OR8J1: variants seen among roughly 807,000 people sequenced by gnomAD.
OR8J1 encodes olfactory receptor family 8 subfamily J member 1.
For synonymous variants in OR8J1, 157 were observed against 144.3 expected (o/e 1.09, Z -0.63); for missense variants, 400 against 373.0 (o/e 1.07, Z -0.60).
rs1854989096 is a variant in OR8J1 at position 56,357,706 on chromosome 11, A to G, written c.-20-2521A>G. ...GAAGGCCAAGTGGAGGCGACTAGTGATGAATACAATGTGGAAAGCATTGAT... is the reference window on the plus strand; with the variant it reads ...GAAGGCCAAGTGGAGGCGACTAGTGGTGAATACAATGTGGAAAGCATTGAT... On this transcript the variant is annotated intron_variant, in intron 1 of 1. Coordinates refer to ENST00000533152, the MANE Select transcript of OR8J1 (RefSeq NM_001005205.3). The G allele has an allele frequency of 8.8e-6, 14 of 1,584,858 alleles. No individual in the cohort carries two copies. The South Asian group carries it at 1.3e-4, about 15-fold the overall frequency.
At chr11:56,356,281 T>G (rs1854967076) in intron 1 of OR8J1, among the ~76,000 whole-genome samples, 8 of 152,190 alleles carry the variant, frequency 5.3e-5, no homozygotes, top group Admixed American at 5.2e-4. Flanking sequence ...TAGCAAATAG[T>G]GCAATCTTGA....
chr11:56,357,849 A>C, intron 1 of OR8J1: 1 of 937,326 alleles, frequency 1.1e-6, no homozygotes, highest in East Asian at 2.4e-5. Flanking sequence ...TATCCCTCAC[A>C]GTACCAAACA....
At chr11:56,357,533 G>C in intron 1 of OR8J1, 1 of 855,242 alleles carries the variant, frequency 1.2e-6, no homozygotes, top group Non-Finnish European at 2.0e-6. Flanking sequence ...GCTGTATAGA[G>C]GGGAATGTGA....
intron 1 of OR8J1, among the ~76,000 whole-genome samples, chr11:56,356,732 TATC>T (rs1854973770): frequency 6.6e-6 from 1 of 152,250 alleles, no homozygotes; most frequent in African/African-American, 2.4e-5. Flanking sequence ...AAAAATACTT[TATC>T]ATTATCTAGA....
chr11:56,360,949 A>G lies in OR8J1; in HGVS notation c.703A>G (p.Lys235Glu). The G allele has an allele frequency of 6.8e-7, 1 of 1,478,080 alleles. No homozygotes were observed. The highest frequency in any genetic ancestry group is 1.5e-5 in the South Asian group (1 of 65,880). 91.6% of individuals were successfully genotyped at this position (1,478,080 alleles called of 1,614,324 possible). A position where few individuals can be genotyped will look rare whatever the true frequency, so the allele number is the denominator to read the frequency against. ...AAAAATATGTTCATCAGAAGGAAGG[A>G]AAAAAGCCTTTTCTACCTGTGCTTC... Reference protein sequence around the residue: ...ILKICSSEGRKKAFSTCASHM... With the variant: ...ILKICSSEGREKAFSTCASHM... The change falls in exon 2 of 2, where the codon AAA (lysine) becomes GAA (glutamate). Residue 235 changes from lysine to glutamate, a missense_variant. Physicochemically the swap from Lys to Glu is moderately conservative, Grantham distance 56. Coordinates refer to ENST00000533152, the MANE Select transcript of OR8J1 (RefSeq NM_001005205.3).
chr11:56,359,489 TA>T (rs1852604910), intron 1 of OR8J1, among the ~76,000 whole-genome samples: 1 of 151,900 alleles, frequency 6.6e-6, no homozygotes, highest in Non-Finnish European at 1.5e-5. Flanking sequence ...TGAGGAGCTG[TA>T]AAAACTTGTG....
intron 1 of OR8J1, among the ~76,000 whole-genome samples, chr11:56,359,618 TA>T (rs1358345761): frequency 4.0e-5 from 6 of 151,616 alleles, no homozygotes; most frequent in Non-Finnish European, 8.8e-5. Flanking sequence ...CATTGAAAGC[TA>T]AAAAAAATTG....
chr11:56,357,892 T>A, intron 1 of OR8J1: 1 of 868,022 alleles, frequency 1.2e-6, no homozygotes, highest in Admixed American at 1.7e-5. Context: ...AGCAAGGGAT[T>A]TAATGCAGAA....
chr11:56,360,986 C>T lies in OR8J1; in HGVS notation c.740C>T (p.Ala247Val), dbSNP rs1165916849. The change falls in exon 2 of 2, where the codon GCA (alanine) becomes GTA (valine). Residue 247 changes from alanine to valine, a missense_variant. Ala to Val is a moderately conservative substitution (Grantham distance 64). Coordinates refer to ENST00000533152, the MANE Select transcript of OR8J1 (RefSeq NM_001005205.3). ...TCTACCTGTGCTTCACATATGATGGCAGTCACAATTTTTTATGGGACATTG... is the reference window on the plus strand; with the variant it reads ...TCTACCTGTGCTTCACATATGATGGTAGTCACAATTTTTTATGGGACATTG... ...AFSTCASHMM[A>V]VTIFYGTLLF... is the part of the protein sequence containing the mutation. 6.8e-7 allele frequency: 1 copy of T among 1,473,460 alleles called. No individual in the cohort carries two copies. The highest frequency in any genetic ancestry group is 9.0e-7 in the Non-Finnish European group (1 of 1,116,294). 91.3% of individuals were successfully genotyped at this position (1,473,460 alleles called of 1,614,324 possible).
Position 56,359,673 on chromosome 11 carries a change from G to C in OR8J1, c.-20-554G>C, listed in dbSNP as rs114523381. Among the ~76,000 whole-genome samples the C allele has an allele frequency of 7.4e-3, 1,121 of 152,148 alleles. 10 individuals are homozygous for C. Among genetic ancestry groups the C allele is most frequent in the African/African-American group, 0.026 (1,073 of 41,536 alleles). On this transcript the variant is annotated intron_variant, in intron 1 of 1. Coordinates refer to ENST00000533152, the MANE Select transcript of OR8J1 (RefSeq NM_001005205.3). The stretch of plus-strand genomic sequence containing the variant: ...TGAGGGCATATCTCCATGTATTTTA[G>C]TCAGAGTTAATTTAAAAAAGAGAGA...
At position 56,360,673 on chromosome 11, in the gene OR8J1, C is replaced by T. The variant is rs201545530; in HGVS notation, c.427C>T (p.Leu143=). ...MVVVSRRLCL[L]LVSLTYLYGF... is the part of the protein sequence containing the mutation. ...GGTGGTGTCTCGGCGGCTCTGCCTCCTGCTGGTCTCCCTCACATACCTCTA... is the reference window on the plus strand; with the variant it reads ...GGTGGTGTCTCGGCGGCTCTGCCTCTTGCTGGTCTCCCTCACATACCTCTA... The change falls in exon 2 of 2, where the codon CTG becomes TTG. Residue 143 remains leucine (L), a synonymous_variant. Coordinates refer to ENST00000533152, the MANE Select transcript of OR8J1 (RefSeq NM_001005205.3). 8.7e-6 allele frequency: 14 copies of T among 1,612,248 alleles called. No individual in the cohort carries two copies. The Admixed American group carries it at 2.3e-4, about 27-fold the overall frequency.
rs1852636560 is a variant in OR8J1, at chr11:56,361,368, C to T, written c.*171C>T. 1 of 396,912 alleles carries T rather than the reference C, an allele frequency of 2.5e-6. No homozygotes were observed. The highest frequency in any genetic ancestry group is 4.4e-6 in the Non-Finnish European group (1 of 226,102). The allele number at this position is 396,912 out of a possible 1,614,324, so 24.6% of individuals were successfully genotyped here. A position where few individuals can be genotyped will look rare whatever the true frequency, so the allele number is the denominator to read the frequency against. On this transcript the variant is annotated 3_prime_UTR_variant, in exon 2 of 2. Coordinates refer to ENST00000533152, the MANE Select transcript of OR8J1 (RefSeq NM_001005205.3). ...TTTGAATTAAAAAATAAACTGAAAC[C>T]CTTTGAGTTGTGAGGTTAAGTTAGA...
At chr11:56,357,474 A>T in intron 1 of OR8J1, 1 of 863,734 alleles carries the variant, frequency 1.2e-6, no homozygotes, top group Non-Finnish European at 1.9e-6. Context: ...CAAATACTGG[A>T]TGATAGTTCA....
intron 1 of OR8J1, among the ~76,000 whole-genome samples, chr11:56,356,511 T>G (rs575210479): frequency 3.1e-4 from 47 of 152,112 alleles, no homozygotes; most frequent in Non-Finnish European, 4.7e-4. Context: ...ACAGACAGAA[T>G]ATTAAAATTG....
At position 56,354,715 on chromosome 11, in the gene OR8J1, C is replaced by T. The variant is rs144313205; in HGVS notation, c.-21+390C>T. ...GAGAGAAAACTGGATAGACATCTAC[C>T]CAAAGTCAAAATGATGCCCCTTTTT... On this transcript the variant is annotated intron_variant, in intron 1 of 1. Transcript: ENST00000533152. 4.6e-3 allele frequency among the ~76,000 whole-genome samples: 694 copies of T among 152,142 alleles called. 8 individuals are homozygous for T. The highest frequency in any genetic ancestry group is 0.016 in the African/African-American group (671 of 41,508).
intron 1 of OR8J1, chr11:56,357,742 G>C (rs2134913281): frequency 6.4e-7 from 1 of 1,569,618 alleles, no homozygotes; most frequent in Non-Finnish European, 8.7e-7. Flanking sequence ...GGTCAGCCAG[G>C]TGCCTTTACC....
chr11:56,356,043 T>A (rs1484105184), intron 1 of OR8J1, among the ~76,000 whole-genome samples: 1 of 152,172 alleles, frequency 6.6e-6, no homozygotes, highest in East Asian at 1.9e-4. Context: ...GTGAATCTGA[T>A]GATAAATGAG....
intron 1 of OR8J1, among the ~76,000 whole-genome samples, chr11:56,359,008 CT>C (rs1225844965): frequency 1.3e-5 from 2 of 151,010 alleles, no homozygotes; most frequent in Middle Eastern, 3.4e-3. Flanking sequence ...TTCATTGTAT[CT>C]TTTTTTTTAC....
chr11:56,357,066 T>C (rs1854977758), intron 1 of OR8J1, among the ~76,000 whole-genome samples: 1 of 152,164 alleles, frequency 6.6e-6, no homozygotes, highest in African/African-American at 2.4e-5. Flanking sequence ...CCATTTTAGC[T>C]GAAGCCCACG....
Sources: allele counts gnomAD v4.1 joint callset (sites outside exome capture counted in the v4.1 genomes callset), GRCh38; gene constraint gnomAD v4.1.1; transcripts MANE v1.5; gene names NCBI Gene and HGNC (gene_info 2026-07-23, HGNC 2026-07-21).